Variants in GABRA3 observed in about 807,000 individuals in gnomAD.
GABRA3 encodes the protein gamma-aminobutyric acid type A receptor subunit alpha3, also known as gamma-aminobutyric acid receptor subunit alpha-3.
GABRA3 carries 10 observed loss-of-function variants against 30.1 expected under a neutral mutation model. That is an observed-to-expected ratio of 0.33 (90% CI 0.20 to 0.56). The LOEUF (loss-of-function observed/expected upper bound fraction) is 0.56, where lower values mean the gene tolerates loss of function less well. GABRA3 is among the 20% of genes least tolerant of loss of function. The pLI is 0.89. For missense variants in GABRA3, 233 were observed against 392.0 expected, an observed-to-expected ratio of 0.59 and a Z score of 3.42; for synonymous variants, 151 against 146.8, an observed-to-expected ratio of 1.03 and a Z score of -0.21.
intron 2 of GABRA3, among the ~76,000 whole-genome samples, chrX:152,346,670 A>C (rs1361708391): frequency 8.9e-6 from 1 of 112,413 alleles, no homozygotes; most frequent in Admixed American, 9.4e-5. Flanking sequence ...CCAATTAAAA[A>C]TGGGCAGAAT....
At chrX:152,270,271 A>G (rs984232823) in intron 4 of GABRA3, among the ~76,000 whole-genome samples, 7 of 110,794 alleles carry the variant, frequency 6.3e-5, no homozygotes, top group Non-Finnish European at 1.3e-4. Context: ...CCTTTACTTG[A>G]CACTTCTCTC....
Position 152,364,461 on chromosome X carries a change from G to C in GABRA3, c.110C>G (p.Pro37Arg). The change falls in exon 2 of 10, where the codon CCC (proline) becomes CGC (arginine). Residue 37 changes from proline (P) to arginine (R), a missense_variant. Physicochemically the swap from Pro to Arg is moderately radical, Grantham distance 103 (BLOSUM62 -2). Around this residue, in one of 6 missense-constraint regions of GABRA3, gnomAD observed 69 missense variants for 79.4 expected, o/e 0.87. Transcript: ENST00000370314. The part of the protein sequence containing the change: ...TGQGESRRQE[P>R]GDFVKQDIGG... ...AATGTCCTGCTTCACAAAGTCCCCG[G>C]GTTCTTGTCGTCTTGATTCCCCTTG... 1 of 1,209,453 alleles carries C rather than the reference G, an allele frequency of 8.3e-7. No individual in the cohort carries two copies. The highest frequency in any genetic ancestry group is 1.1e-6 in the Non-Finnish European group (1 of 894,272).
At chrX:152,281,263 C>T (rs755512365) in intron 4 of GABRA3, among the ~76,000 whole-genome samples, 2 of 111,786 alleles carry the variant, frequency 1.8e-5, no homozygotes, top group African/African-American at 6.5e-5. Context: ...TCTTCCTATA[C>T]ATCTGATGGA....
chrX:152,190,954 C>A (rs935600635), intron 8 of GABRA3, among the ~76,000 whole-genome samples: 1 of 108,605 alleles, frequency 9.2e-6, no homozygotes, highest in Non-Finnish European at 1.9e-5. Context: ...AACTGAGCAA[C>A]CTCACCTACT....
chrX:152,376,082 G>A (rs143402314), intron 1 of GABRA3, among the ~76,000 whole-genome samples: 179 of 111,875 alleles, frequency 1.6e-3, no homozygotes, highest in African/African-American at 5.0e-3. Flanking sequence ...CGTGCACACT[G>A]ACAATCAGAA....
At chrX:152,189,047 C>G (rs1008926069) in intron 9 of GABRA3, among the ~76,000 whole-genome samples, 9 of 112,212 alleles carry the variant, frequency 8.0e-5, no homozygotes, top group African/African-American at 2.9e-4. Context: ...TACTGTGAGT[C>G]AGATGCTAGG....
At chrX:152,241,416 G>C (rs1439832624) in intron 5 of GABRA3, among the ~76,000 whole-genome samples, 1 of 104,332 alleles carries the variant, frequency 9.6e-6, no homozygotes, top group Non-Finnish European at 2.0e-5. Flanking sequence ...AAAGCTGTCA[G>C]ACAGGGACAC....
intron 3 of GABRA3, among the ~76,000 whole-genome samples, chrX:152,325,719 G>A (rs992012775): frequency 1.8e-5 from 2 of 111,460 alleles, no homozygotes; most frequent in African/African-American, 3.3e-5. Context: ...AAAGACCAAC[G>A]GTAGATAAAA....
chrX:152,438,602 C>T (rs1215678386), intron 1 of GABRA3, among the ~76,000 whole-genome samples: 1 of 112,118 alleles, frequency 8.9e-6, no homozygotes, highest in African/African-American at 3.2e-5. Flanking sequence ...TGTGGTACAG[C>T]CTATGTGTCT....
chrX:152,193,046 C>T (rs1937343229), intron 8 of GABRA3, among the ~76,000 whole-genome samples: 1 of 111,768 alleles, frequency 8.9e-6, no homozygotes, highest in African/African-American at 3.3e-5. Context: ...TGATGTCTAG[C>T]GCTTCTTAGA....
At chrX:152,409,580 T>A (rs754667747) in intron 1 of GABRA3, among the ~76,000 whole-genome samples, 1 of 111,403 alleles carries the variant, frequency 9.0e-6, no homozygotes, top group African/African-American at 3.3e-5. Flanking sequence ...AAGAGGCCAC[T>A]TGTAGAATAG....
At chrX:152,348,307 C>T (rs911029737) in intron 2 of GABRA3, among the ~76,000 whole-genome samples, 2 of 111,211 alleles carry the variant, frequency 1.8e-5, no homozygotes, top group South Asian at 3.8e-4. Flanking sequence ...ACATGAGACA[C>T]CTAAGACACC....
At chrX:152,298,624 T>G (rs745517444) in intron 3 of GABRA3, among the ~76,000 whole-genome samples, 105 of 110,997 alleles carry the variant, frequency 9.5e-4, no homozygotes, top group African/African-American at 3.3e-3. Flanking sequence ...CAGTCTATCA[T>G]TGTTGGACAT....
At chrX:152,225,472 C>T (rs1422429898) in intron 5 of GABRA3, among the ~76,000 whole-genome samples, 1 of 103,839 alleles carries the variant, frequency 9.6e-6, no homozygotes, top group African/African-American at 3.6e-5. Context: ...ACTGACCACT[C>T]CAGGAAAAAA....
At chrX:152,198,749 C>G (rs1010974500) in intron 7 of GABRA3, among the ~76,000 whole-genome samples, 1 of 111,796 alleles carries the variant, frequency 8.9e-6, no homozygotes, top group Non-Finnish European at 1.9e-5. Flanking sequence ...TTTTTTCTGT[C>G]TCACTCAGAC....
intron 2 of GABRA3, among the ~76,000 whole-genome samples, chrX:152,357,965 T>C (rs1253511707): frequency 9.0e-6 from 1 of 111,622 alleles, no homozygotes; most frequent in Non-Finnish European, 1.9e-5. Context: ...CCCCATAGTA[T>C]AGTTTGAAGT....
At chrX:152,344,216 A>G (rs1940357459) in intron 3 of GABRA3, among the ~76,000 whole-genome samples, 1 of 112,038 alleles carries the variant, frequency 8.9e-6, no homozygotes, top group Non-Finnish European at 1.9e-5. Context: ...TACTCAAAAA[A>G]TGAGAGCATA....
chrX:152,214,373 A>G (rs1937677828), intron 6 of GABRA3, among the ~76,000 whole-genome samples: 1 of 111,149 alleles, frequency 9.0e-6, no homozygotes, highest in Non-Finnish European at 1.9e-5. Context: ...TGACTTTGCT[A>G]TTGTGAATAG....
chrX:152,402,115 T>G (rs1222637718), intron 1 of GABRA3, among the ~76,000 whole-genome samples: 1 of 112,326 alleles, frequency 8.9e-6, no homozygotes, highest in Non-Finnish European at 1.9e-5. Flanking sequence ...AAGCAAAGGC[T>G]ACTTTCATAT....
Sources: gnomAD v4.1 joint callset for allele counts (sites outside exome capture counted in the v4.1 genomes callset) on GRCh38, gnomAD v4.1.1 for gene constraint, gnomAD v4.1.1 regional missense constraint, MANE v1.5 for transcripts, NCBI Gene and HGNC (gene_info 2026-07-23, HGNC 2026-07-21) for gene names.